NR2F1-AS1: variants seen among roughly 807,000 people sequenced by gnomAD.
NR2F1-AS1 encodes the protein NR2F1 regulatory antisense RNA 1, also known as NR2F1 antisense RNA 1.
chr5:93,454,868 T>C (rs773147596), intron 4 of NR2F1-AS1, among the ~76,000 whole-genome samples: 1 of 152,176 alleles, frequency 6.6e-6, no homozygotes. Context: ...TGAGAGGCCA[T>C]GGAAGCTCTA....
At chr5:93,501,573 C>T (rs1244225234) in intron 4 of NR2F1-AS1, among the ~76,000 whole-genome samples, 2 of 151,910 alleles carry the variant, frequency 1.3e-5, no homozygotes, top group Admixed American at 6.6e-5. Context: ...AGGCTGGTCT[C>T]GAACTCCTGA....
intron 4 of NR2F1-AS1, among the ~76,000 whole-genome samples, chr5:93,534,059 G>A (rs2149901972): frequency 6.6e-6 from 1 of 152,184 alleles, no homozygotes; most frequent in East Asian, 1.9e-4. Context: ...TCCAGCCTGG[G>A]GAACGAGCGA....
chr5:93,442,008 C>T (rs756940297), intron 4 of NR2F1-AS1, among the ~76,000 whole-genome samples: 1 of 152,216 alleles, frequency 6.6e-6, no homozygotes, highest in Non-Finnish European at 1.5e-5. Context: ...ATAACAGAGA[C>T]TGCATGACCC....
At chr5:93,417,146 A>G (rs1358111733) in intron 4 of NR2F1-AS1, among the ~76,000 whole-genome samples, 2 of 152,198 alleles carry the variant, frequency 1.3e-5, no homozygotes, top group East Asian at 3.9e-4. Flanking sequence ...TGCTTTTTAA[A>G]GGAATAGTGC....
At chr5:93,440,598 G>C (rs1304859617) in intron 4 of NR2F1-AS1, among the ~76,000 whole-genome samples, 1 of 152,108 alleles carries the variant, frequency 6.6e-6, no homozygotes, top group Non-Finnish European at 1.5e-5. Context: ...TCCCTAGTCT[G>C]GGTTTCTCAG....
At chr5:93,430,589 A>T (rs577965296) in intron 4 of NR2F1-AS1, among the ~76,000 whole-genome samples, 2 of 152,350 alleles carry the variant, frequency 1.3e-5, no homozygotes, top group South Asian at 4.1e-4. Flanking sequence ...CTTATTCAGT[A>T]TTCAGAGTAA....
At chr5:93,544,108 C>A (rs1752020561) in intron 4 of NR2F1-AS1, 1 of 151,732 alleles carries the variant, frequency 6.6e-6, no homozygotes, top group Non-Finnish European at 1.5e-5. Flanking sequence ...GAGACTCTAG[C>A]TCAAAAAATA....
chr5:93,522,388 T>C (rs1161424800), intron 4 of NR2F1-AS1, among the ~76,000 whole-genome samples: 1 of 152,206 alleles, frequency 6.6e-6, no homozygotes, highest in African/African-American at 2.4e-5. Flanking sequence ...ATAGTATAAA[T>C]GTGCAATGTT....
chr5:93,584,994 C>A, upstream of NR2F1-AS1: 1 of 984,516 alleles, frequency 1.0e-6, no homozygotes, highest in Non-Finnish European at 1.2e-6. Context: ...AGCAGCTCGG[C>A]TCCCCCCAGC....
intron 4 of NR2F1-AS1, among the ~76,000 whole-genome samples, chr5:93,466,331 CTTT>C (rs573785186): frequency 1.4e-5 from 2 of 142,554 alleles, no homozygotes; most frequent in African/African-American, 2.6e-5. Flanking sequence ...TCAAAGAATT[CTTT>C]TTTTTTTTTT....
intron 4 of NR2F1-AS1, among the ~76,000 whole-genome samples, chr5:93,421,201 T>C (rs1023613220): frequency 1.3e-5 from 2 of 152,152 alleles, no homozygotes; most frequent in South Asian, 4.1e-4. Flanking sequence ...GTGGGAAGAT[T>C]CCTAGTCTAC....
intron 3 of NR2F1-AS1, among the ~76,000 whole-genome samples, chr5:93,554,396 T>C (rs1168881760): frequency 1.3e-5 from 2 of 152,302 alleles, no homozygotes; most frequent in East Asian, 3.9e-4. Flanking sequence ...CTAGCTACAG[T>C]GTTCATTCTT....
intron 4 of NR2F1-AS1, among the ~76,000 whole-genome samples, chr5:93,458,534 A>G (rs1353777322): frequency 6.6e-6 from 1 of 152,218 alleles, no homozygotes; most frequent in East Asian, 1.9e-4. Context: ...TTCAAAATGT[A>G]TCATAGATTT....
At chr5:93,535,736 A>C (rs1751825423) in intron 4 of NR2F1-AS1, among the ~76,000 whole-genome samples, 2 of 152,198 alleles carry the variant, frequency 1.3e-5, no homozygotes, top group African/African-American at 4.8e-5. Context: ...GACAAAAACT[A>C]TAAAATCTTT....
chr5:93,554,779 C>T (rs1413855003), intron 3 of NR2F1-AS1: 2 of 152,140 alleles, frequency 1.3e-5, no homozygotes, highest in Non-Finnish European at 2.9e-5. Flanking sequence ...TCTTTCAGTG[C>T]TCCATAGTTG....
At position 93,579,841 on chromosome 5, in the gene NR2F1-AS1, C is replaced by T. The variant is rs1319240612; in HGVS notation, n.313+626G>A. On this transcript the variant is annotated intron_variant and non_coding_transcript_variant, in intron 1 of 5. Coordinates refer to ENST00000660523, the Ensembl canonical transcript of NR2F1-AS1. This position sits in a 1 kb window ranked among gnomAD's most constrained non-coding sequence, Gnocchi z 5.1. The stretch of plus-strand genomic sequence containing the variant: ...GCTGCGAATCCCGGTGCTCTCTCGC[C>T]GCCGCCGCAGGTTGTCTGCTCGGGA... Among the ~76,000 whole-genome samples the T allele has an allele frequency of 1.3e-5, 2 of 152,216 alleles. No individual in the cohort carries two copies. The highest frequency in any genetic ancestry group is 4.8e-5 in the African/African-American group (2 of 41,462).
chr5:93,468,560 G>A (rs1171715799), intron 4 of NR2F1-AS1, among the ~76,000 whole-genome samples: 1 of 152,266 alleles, frequency 6.6e-6, no homozygotes, highest in South Asian at 2.1e-4. Flanking sequence ...TTTGACAGAT[G>A]AGTAGATTGC....
intron 4 of NR2F1-AS1, among the ~76,000 whole-genome samples, chr5:93,427,502 C>T (rs1749219187): frequency 6.6e-6 from 1 of 152,182 alleles, no homozygotes; most frequent in Non-Finnish European, 1.5e-5. Context: ...CACTGTTACC[C>T]ATGATCTTTC....
chr5:93,559,109 C>T (rs1015364135), intron 2 of NR2F1-AS1, among the ~76,000 whole-genome samples: 1 of 152,192 alleles, frequency 6.6e-6, no homozygotes, highest in African/African-American at 2.4e-5. Context: ...CAATAGAAGG[C>T]CATTTCATCT....
Sources: allele counts gnomAD v4.1 joint callset (sites outside exome capture counted in the v4.1 genomes callset), GRCh38; gene constraint gnomAD v4.1.1; non-coding constraint Gnocchi (gnomAD v3.1); transcripts MANE v1.5; gene names NCBI Gene and HGNC (gene_info 2026-07-23, HGNC 2026-07-21).